VSIG1: variants seen among roughly 807,000 people sequenced by gnomAD.
The protein encoded by VSIG1 is V-set and immunoglobulin domain containing 1.
In VSIG1, 11 loss-of-function variants were observed where a neutral mutation model predicts 20.1. The observed-to-expected ratio is 0.55, with a 90% confidence interval of 0.34 to 0.91. The LOEUF is 0.91. Among genes scored for constraint, VSIG1 ranks in the 40% least tolerant of loss-of-function variants. The pLI, the probability that VSIG1 is intolerant of heterozygous loss-of-function variation, is 0.02. For synonymous variants in VSIG1, 126 were observed against 116.7 expected (o/e 1.08, Z -0.52); for missense variants, 283 against 298.8 (o/e 0.95, Z 0.39).
the VSIG1 span, among the ~76,000 whole-genome samples, chrX:108,031,237 A>G: frequency 8.9e-6 from 1 of 112,347 alleles, no homozygotes. Context: ...CTTGAGAGAT[A>G]GGGCAGGATT....
At chrX:108,076,930 C>A in intron 6 of VSIG1, 118 bp from the exon 7 acceptor site, 2 of 726,268 alleles carry the variant, frequency 2.8e-6, no homozygotes, top group Middle Eastern at 4.2e-4. Context: ...TCAGAAATAA[C>A]AGATTTCCTG....
At chrX:108,047,797 T>TAC (rs1209254139) in intron 1 of VSIG1, among the ~76,000 whole-genome samples, 1 of 69,221 alleles carries the variant, frequency 1.4e-5, no homozygotes, top group Non-Finnish European at 2.6e-5. Context: ...TCTCTATATA[T>TAC]ATATATATAT....
chrX:108,070,236 T>C (rs889033482), intron 3 of VSIG1, among the ~76,000 whole-genome samples: 1 of 112,092 alleles, frequency 8.9e-6, no homozygotes, highest in African/African-American at 3.2e-5. Context: ...TCTTTTTTTT[T>C]CTGAGCTGAG....
At chrX:108,066,486 A>G (rs112848585) in intron 2 of VSIG1, among the ~76,000 whole-genome samples, 130 of 111,953 alleles carry the variant, frequency 1.2e-3, no homozygotes, top group African/African-American at 3.8e-3. Context: ...TAAGGAAACC[A>G]GATAGTCTCA....
At chrX:108,036,210 A>G in the VSIG1 span, among the ~76,000 whole-genome samples, 1 of 106,503 alleles carries the variant, frequency 9.4e-6, no homozygotes, top group Admixed American at 1.0e-4. Flanking sequence ...GGCATTTTTA[A>G]GAAGTGTTGG....
chrX:108,025,297 C>T, the VSIG1 span, among the ~76,000 whole-genome samples: 3 of 111,706 alleles, frequency 2.7e-5, no homozygotes, highest in Non-Finnish European at 5.7e-5. Context: ...CATTTTAAGT[C>T]GAGCATTAAG....
intron 1 of VSIG1, among the ~76,000 whole-genome samples, chrX:108,056,461 G>T (rs1301990914): frequency 9.0e-6 from 1 of 111,425 alleles, no homozygotes; most frequent in East Asian, 2.8e-4. Context: ...CTACAAATTG[G>T]AAATGAAGAA....
the VSIG1 span, among the ~76,000 whole-genome samples, chrX:108,024,047 CATTA>C: frequency 6.3e-5 from 7 of 111,482 alleles, no homozygotes; most frequent in East Asian, 2.0e-3. Flanking sequence ...ATAACTTGGC[CATTA>C]GTTTGGCCCT....
intron 2 of VSIG1, among the ~76,000 whole-genome samples, chrX:108,058,446 T>C (rs149803891): frequency 0.024 from 2,726 of 111,753 alleles, 76 homozygotes; most frequent in African/African-American, 0.085. Flanking sequence ...ATCAAGTGGA[T>C]CATGTATTTT....
rs370322784 is a variant in VSIG1, at chrX:108,047,907, CAT to C, written c.49+2738_49+2739del. ...ATATACACACATATATATATATACA[CAT>C]ATATATATACACATATATATATATA... On this transcript the variant is annotated intron_variant, in intron 1 of 6. Transcript: ENST00000217957. 3.4e-4 allele frequency among the ~76,000 whole-genome samples: 10 copies of C among 29,205 alleles called. 1 individual carries two copies. The highest frequency in any genetic ancestry group is 2.3e-3 in the African/African-American group (10 of 4,344). 25.4% of individuals were successfully genotyped at this position (29,205 alleles called of 115,157 possible). A position where few individuals can be genotyped will look rare whatever the true frequency, so the allele number is the denominator to read the frequency against.
At chrX:108,068,851 C>A (rs1003115210) in intron 3 of VSIG1, among the ~76,000 whole-genome samples, 1 of 112,139 alleles carries the variant, frequency 8.9e-6, no homozygotes, top group Non-Finnish European at 1.9e-5. Flanking sequence ...TTAGATCTTA[C>A]TCTGTACTCA....
chrX:108,031,730 T>A, the VSIG1 span, among the ~76,000 whole-genome samples: 2 of 112,789 alleles, frequency 1.8e-5, no homozygotes, highest in East Asian at 5.5e-4. Flanking sequence ...GTTTTTGTTG[T>A]TTAAATTGAC....
Position 108,066,989 on chromosome X carries a change from A to C in VSIG1, c.267A>C (p.Arg89=), listed in dbSNP as rs1446540023. 8.3e-7 allele frequency: 1 copy of C among 1,209,567 alleles called. No individual in the cohort carries two copies. The highest frequency in any genetic ancestry group is 1.1e-6 in the Non-Finnish European group (1 of 894,978). The change falls in exon 3 of 7, where the codon CGA becomes CGC. Residue 89 remains arginine (R), a synonymous_variant. Transcript: ENST00000217957. ...TAGCCATCGGGCAATTTAAAGATCG[A>C]ATTACAGGGTCCAACGATCCAGGTA... ...QAVAIGQFKD[R]ITGSNDPGNA... is the part of the protein sequence containing the mutation.
At chrX:108,025,134 T>G in the VSIG1 span, among the ~76,000 whole-genome samples, 2 of 111,712 alleles carry the variant, frequency 1.8e-5, no homozygotes, top group Non-Finnish European at 1.9e-5. Flanking sequence ...AGGCTCCACA[T>G]TAGAGGAATT....
intron 1 of VSIG1, among the ~76,000 whole-genome samples, chrX:108,056,255 C>T (rs750670824): frequency 9.0e-6 from 1 of 111,691 alleles, no homozygotes. Flanking sequence ...TAACCCCCTA[C>T]AGAGGAGAAT....
the VSIG1 span, among the ~76,000 whole-genome samples, chrX:108,020,305 A>C: frequency 6.3e-5 from 7 of 111,506 alleles, no homozygotes; most frequent in Non-Finnish European, 1.1e-4. Flanking sequence ...GCCGCTAATA[A>C]ATTTTTCATT....
At chrX:108,057,653 A>G (rs1011970580) in intron 1 of VSIG1, among the ~76,000 whole-genome samples, 2 of 112,069 alleles carry the variant, frequency 1.8e-5, no homozygotes, top group African/African-American at 3.2e-5. Flanking sequence ...TTTTAAAACT[A>G]TAAGTCCCAC....
At chrX:108,022,269 G>A in the VSIG1 span, among the ~76,000 whole-genome samples, 1 of 111,361 alleles carries the variant, frequency 9.0e-6, no homozygotes, top group African/African-American at 3.3e-5. Context: ...TCACTTCCTT[G>A]GTCAAGTTTA....
At chrX:108,022,477 A>T in the VSIG1 span, among the ~76,000 whole-genome samples, 1 of 111,893 alleles carries the variant, frequency 8.9e-6, no homozygotes, top group Non-Finnish European at 1.9e-5. Flanking sequence ...TATATATGAG[A>T]TCAAGTAATT....
Sources: allele counts gnomAD v4.1 joint callset (sites outside exome capture counted in the v4.1 genomes callset), GRCh38; gene constraint gnomAD v4.1.1; transcripts MANE v1.5; gene names NCBI Gene and HGNC (gene_info 2026-07-23, HGNC 2026-07-21).